DPH6: variants seen among roughly 807,000 people sequenced by gnomAD.
DPH6 encodes the protein diphthamine biosynthesis 6, also known as diphthine--ammonia ligase.
DPH6 carries 33 observed loss-of-function variants against 38.2 expected under a neutral mutation model. The ratio of observed to expected loss-of-function variants is 0.86; its 90% CI spans 0.65 to 1.15. The LOEUF (loss-of-function observed/expected upper bound fraction) is 1.15. Among genes scored for constraint, DPH6 ranks in the 50% most tolerant of loss-of-function variants. The pLI is 0.00. For missense variants in DPH6, 325 were observed against 320.0 expected, an observed-to-expected ratio of 1.02 and a Z score of -0.12; for synonymous variants, 108 against 103.0, an observed-to-expected ratio of 1.05 and a Z score of -0.30.
At chr15:35,544,034 A>G (rs1023890895) in intron 1 of DPH6, among the ~76,000 whole-genome samples, 10 of 152,322 alleles carry the variant, frequency 6.6e-5, no homozygotes, top group Admixed American at 5.2e-4. Flanking sequence ...TTACTCTAAC[A>G]AAAGGTTTTG....
intron 3 of DPH6, among the ~76,000 whole-genome samples, chr15:35,496,922 G>T (rs190958317): frequency 2.9e-4 from 44 of 152,078 alleles, no homozygotes; most frequent in African/African-American, 1.0e-3. Flanking sequence ...CTGTCTCTCA[G>T]ACTGAAACTC....
At chr15:35,489,594 T>C in intron 3 of DPH6, 1 of 982,606 alleles carries the variant, frequency 1.0e-6, no homozygotes, top group Non-Finnish European at 1.2e-6. Context: ...AAAAAATACC[T>C]ACCCAAGAGC....
chr15:35,296,315 T>TAA (rs2052014565), intron 3 of DPH6, among the ~76,000 whole-genome samples: 1 of 152,144 alleles, frequency 6.6e-6, no homozygotes, highest in Non-Finnish European at 1.5e-5. Flanking sequence ...ACTTCTAAAA[T>TAA]TTTGATTTTT....
chr15:35,220,990 T>C (rs1663312733), intron 3 of DPH6, among the ~76,000 whole-genome samples: 1 of 152,148 alleles, frequency 6.6e-6, no homozygotes, highest in Admixed American at 6.5e-5. Context: ...ATAAGGCAAA[T>C]TCCTCTCCAG....
chr15:35,313,846 A>T (rs2052164938), intron 3 of DPH6, among the ~76,000 whole-genome samples: 1 of 152,190 alleles, frequency 6.6e-6, no homozygotes, highest in African/African-American at 2.4e-5. Flanking sequence ...AACTACTAGA[A>T]GAAAACATTG....
intron 3 of DPH6, chr15:35,299,065 CTG>C: frequency 4.0e-6 from 3 of 745,910 alleles, no homozygotes; most frequent in Non-Finnish European, 7.0e-6. Flanking sequence ...TCTATTTCTT[CTG>C]TCTTTCCAGC....
chr15:35,174,498 A>G, the DPH6 span, among the ~76,000 whole-genome samples: 1 of 152,208 alleles, frequency 6.6e-6, no homozygotes, highest in Non-Finnish European at 1.5e-5. Context: ...AGATTCAGAA[A>G]CAGAAAAACT....
intron 3 of DPH6, among the ~76,000 whole-genome samples, chr15:35,290,781 T>C (rs772075875): frequency 5.9e-5 from 9 of 152,170 alleles, no homozygotes; most frequent in Non-Finnish European, 1.2e-4. Context: ...AAGGTTAGGA[T>C]GTTTATCACT....
At chr15:35,341,425 C>T (rs1407452006) in intron 3 of DPH6, among the ~76,000 whole-genome samples, 4 of 152,176 alleles carry the variant, frequency 2.6e-5, no homozygotes, top group Admixed American at 6.5e-5. Context: ...AGTGGTGTTG[C>T]AGTCATTTGG....
chr15:35,295,294 G>A (rs2052007354), intron 3 of DPH6, among the ~76,000 whole-genome samples: 1 of 152,110 alleles, frequency 6.6e-6, no homozygotes, highest in South Asian at 2.1e-4. Flanking sequence ...GAATCTCTCA[G>A]TAACAAAATC....
rs531954071 is a variant in DPH6 at position 35,499,961 on chromosome 15, G to A, written c.312+38313C>T. 3.3e-5 allele frequency among the ~76,000 whole-genome samples: 5 copies of A among 152,274 alleles called. No individual in the cohort carries two copies. In the South Asian group the frequency reaches 1.0e-3, roughly 32 times the overall value. ...GAAATCATCCAGTCTTCCAGGTGTC[G>A]ACACAGACTGTGTTGATGTGGTTTT... On this transcript the variant is annotated intron_variant, in intron 3 of 8. Coordinates refer to ENST00000256538, the MANE Select transcript of DPH6 (RefSeq NM_080650.4).
At chr15:35,208,657 A>G in the DPH6 span, among the ~76,000 whole-genome samples, 1 of 152,204 alleles carries the variant, frequency 6.6e-6, no homozygotes, top group Admixed American at 6.5e-5. Context: ...TGAGCCACTG[A>G]TTCTTATCTG....
At chr15:35,471,545 T>G (rs1187408707) in intron 3 of DPH6, among the ~76,000 whole-genome samples, 2 of 152,224 alleles carry the variant, frequency 1.3e-5, no homozygotes, top group East Asian at 3.8e-4. Flanking sequence ...CTAATCTACC[T>G]TTATTTTTAT....
At position 35,288,217 on chromosome 15, in the gene DPH6, A is replaced by G. The variant is rs536655959; in HGVS notation, n.201-67635T>C. On this transcript the variant is annotated intron_variant and non_coding_transcript_variant, in intron 3 of 3. Coordinates refer to the DPH6 transcript ENST00000560386. ...TCAGAAAACCTTCCCTAATGTAGCT[A>G]TATTTCATAATTTCTATAAGGGGCT... 1.1e-3 allele frequency among the ~76,000 whole-genome samples: 171 copies of G among 152,318 alleles called. 1 individual carries two copies. The highest frequency in any genetic ancestry group is 4.0e-3 in the African/African-American group (165 of 41,576).
At chr15:35,437,529 C>T (rs950645393) in intron 5 of DPH6, among the ~76,000 whole-genome samples, 2 of 152,196 alleles carry the variant, frequency 1.3e-5, no homozygotes, top group African/African-American at 2.4e-5. Flanking sequence ...TGGCCTCCCT[C>T]TCCTGGTGCA....
chr15:35,210,270 G>A, the DPH6 span, among the ~76,000 whole-genome samples: 24 of 152,252 alleles, frequency 1.6e-4, no homozygotes, highest in African/African-American at 4.6e-4. Context: ...CTGGACAAAT[G>A]GTGATAATAT....
the DPH6 span, among the ~76,000 whole-genome samples, chr15:35,196,708 C>T: frequency 6.6e-6 from 1 of 152,108 alleles, no homozygotes; most frequent in Non-Finnish European, 1.5e-5. Flanking sequence ...GTGTCCTTGT[C>T]TTTTTTTCCA....
the DPH6 span, among the ~76,000 whole-genome samples, chr15:35,177,953 T>A: frequency 3.2e-4 from 46 of 144,788 alleles, 1 homozygote; most frequent in East Asian, 5.2e-3. Context: ...AAAAAAAAAA[T>A]AATAATAATG....
the DPH6 span, among the ~76,000 whole-genome samples, chr15:35,165,609 TATTTGAAGGATTAG>T: frequency 6.6e-6 from 1 of 151,918 alleles, no homozygotes; most frequent in Non-Finnish European, 1.5e-5. Flanking sequence ...CAATTTAATC[TATTTGAAGGATTAG>T]AATATTTTGT....
Sources: allele counts gnomAD v4.1 joint callset (sites outside exome capture counted in the v4.1 genomes callset), GRCh38; gene constraint gnomAD v4.1.1; transcripts MANE v1.5; gene names NCBI Gene and HGNC (gene_info 2026-07-23, HGNC 2026-07-21).